Variants in PABPC1L observed in about 807,000 individuals in gnomAD.
PABPC1L encodes poly(A) binding protein cytoplasmic 1 like.
A neutral mutation model predicts 66.6 loss-of-function variants in PABPC1L; 31 were observed. The observed-to-expected ratio is 0.47, with a 90% CI of 0.35 to 0.63. The LOEUF (loss-of-function observed/expected upper bound fraction) is 0.63, where lower values mean the gene tolerates loss of function less well. Among genes scored for constraint, PABPC1L ranks in the 20% least tolerant of loss-of-function variants. PABPC1L has a pLI of 0.00. For missense variants in PABPC1L, 722 were observed against 848.8 expected, an observed-to-expected ratio of 0.85 and a Z score of 1.86; for synonymous variants, 348 against 335.1, an observed-to-expected ratio of 1.04 and a Z score of -0.42.
chr20:44,935,070 G>GGA (rs2066890646), intron 10 of PABPC1L, among the ~76,000 whole-genome samples: 1 of 130,112 alleles, frequency 7.7e-6, no homozygotes, highest in Non-Finnish European at 1.7e-5. Context: ...TCTGTCTCAG[G>GGA]AAAAAAAAAA....
At position 44,919,339 on chromosome 20, in the gene PABPC1L, G is replaced by A. The variant is rs116994724; in HGVS notation, c.738+62G>A. On this transcript the variant is annotated intron_variant, in intron 5 of 14. Transcript: ENST00000217073. ...GGACCGAGCTGGGACTAAGAAGAGGGTCCCAGCTGCCTGTGGAGGGGAAGA... is the reference window on the plus strand; with the variant it reads ...GGACCGAGCTGGGACTAAGAAGAGGATCCCAGCTGCCTGTGGAGGGGAAGA... 14,918 of 1,557,690 alleles carry A rather than the reference G, an allele frequency of 9.6e-3. 82 individuals carry two copies. Among genetic ancestry groups the A allele is most frequent in the Non-Finnish European group, 0.011 (12,955 of 1,138,492 alleles).
intron 13 of PABPC1L, 152 bp from the exon 14 acceptor site, chr20:44,938,522 T>G: frequency 1.1e-6 from 1 of 884,026 alleles, no homozygotes; most frequent in Non-Finnish European, 1.7e-6. Flanking sequence ...CCATGGGATC[T>G]TGCAAGCAGT....
chr20:44,926,687 C>T (rs2066812044), intron 7 of PABPC1L, among the ~76,000 whole-genome samples: 1 of 151,926 alleles, frequency 6.6e-6, no homozygotes, highest in African/African-American at 2.4e-5. Flanking sequence ...GCTGGGATTA[C>T]AGGCGCCCGC....
chr20:44,927,837 A>G (rs1233211548), intron 7 of PABPC1L, among the ~76,000 whole-genome samples: 1 of 151,988 alleles, frequency 6.6e-6, no homozygotes, highest in African/African-American at 2.4e-5. Flanking sequence ...CTATAGGAGC[A>G]CCACTATGCC....
intron 5 of PABPC1L, 43 bp downstream of exon 5, chr20:44,919,320 A>G: frequency 1.9e-6 from 3 of 1,598,820 alleles, no homozygotes; most frequent in African/African-American, 1.3e-5. Context: ...AGGGGGACCG[A>G]GCTGGGACTA....
At chr20:44,932,544 T>C in intron 9 of PABPC1L, 112 bp downstream of exon 9, 1 of 890,730 alleles carries the variant, frequency 1.1e-6, no homozygotes. Context: ...GGTGGGTGAC[T>C]TCACTTCTCT....
chr20:44,926,467 C>T (rs1191671871), intron 7 of PABPC1L, among the ~76,000 whole-genome samples: 5 of 151,628 alleles, frequency 3.3e-5, no homozygotes, highest in Non-Finnish European at 4.4e-5. Flanking sequence ...CCTAGTAATC[C>T]GCCCGCCTCA....
At chr20:44,918,244 C>T (rs572954548) in intron 3 of PABPC1L, among the ~76,000 whole-genome samples, 55 of 152,268 alleles carry the variant, frequency 3.6e-4, no homozygotes, top group Admixed American at 2.6e-4. Flanking sequence ...GCAGGAGAAT[C>T]GCTTGAACCC....
intron 2 of PABPC1L, among the ~76,000 whole-genome samples, chr20:44,916,114 C>T (rs2066736105): frequency 6.6e-6 from 1 of 152,096 alleles, no homozygotes; most frequent in Non-Finnish European, 1.5e-5. Context: ...GATGAATACC[C>T]CGGTTGTTTC....
rs45470200 is a variant in PABPC1L at position 44,932,025 on chromosome 20, C to T, written c.1240-317C>T. On this transcript the variant is annotated intron_variant, in intron 8 of 14. Coordinates refer to ENST00000217073, the MANE Select transcript of PABPC1L (RefSeq NM_001372179.1). ...AGATGTCACCCATTAAAGGCCACCA[C>T]GGTAAGAACATTCCTCTCCTTTTAG... 834 of 200,752 alleles carry T rather than the reference C, an allele frequency of 4.2e-3. 7 individuals carry two copies. Among genetic ancestry groups the T allele is most frequent in the Admixed American group, 7.3e-3 (123 of 16,778 alleles). 12.4% of individuals were successfully genotyped at this position (200,752 alleles called of 1,614,324 possible). A position where few individuals can be genotyped will look rare whatever the true frequency, so the allele number is the denominator to read the frequency against.
chr20:44,934,195 C>G (rs889817743), intron 10 of PABPC1L, among the ~76,000 whole-genome samples: 22 of 152,218 alleles, frequency 1.4e-4, no homozygotes, highest in African/African-American at 5.3e-4. Context: ...CAAATGTTCT[C>G]ACATCCACAG....
chr20:44,935,198 A>G (rs1219533755), intron 10 of PABPC1L, among the ~76,000 whole-genome samples, 193 bp from the exon 11 acceptor site: 1 of 152,012 alleles, frequency 6.6e-6, no homozygotes, highest in African/African-American at 2.4e-5. Context: ...ACTGTTTGAG[A>G]AAGCCCTATA....
At chr20:44,915,038 A>G (rs111623077) in intron 2 of PABPC1L, among the ~76,000 whole-genome samples, 12 of 152,318 alleles carry the variant, frequency 7.9e-5, no homozygotes, top group African/African-American at 2.9e-4. Flanking sequence ...ACGTGGTTAA[A>G]TCCAAGCTGA....
chr20:44,916,958 T>A, intron 3 of PABPC1L, 87 bp downstream of exon 3: 1 of 1,296,826 alleles, frequency 7.7e-7, no homozygotes, highest in Non-Finnish European at 1.1e-6. Context: ...ACCCTCAAGC[T>A]GCTAATGGGC....
At chr20:44,938,650 C>T (rs201683693) in intron 13 of PABPC1L, 24 bp from the exon 14 acceptor site, 58 of 1,588,550 alleles carry the variant, frequency 3.7e-5, no homozygotes, top group South Asian at 5.7e-5. Flanking sequence ...TGCACTAAGC[C>T]CCCCCGCCAC....
intron 7 of PABPC1L, among the ~76,000 whole-genome samples, chr20:44,925,476 T>C (rs938669796): frequency 6.6e-6 from 1 of 152,086 alleles, no homozygotes; most frequent in Non-Finnish European, 1.5e-5. Flanking sequence ...CTGGAAGAAG[T>C]GGCAGTAGCA....
chr20:44,912,600 G>A (rs2145552741), intron 1 of PABPC1L, 60 bp from the exon 2 acceptor site: 2 of 1,436,866 alleles, frequency 1.4e-6, no homozygotes, highest in Admixed American at 3.8e-5. Flanking sequence ...CGAGGGGTGG[G>A]TGATCAAGGT....
intron 8 of PABPC1L, chr20:44,931,755 T>TA (rs1264580259): frequency 1.3e-5 from 2 of 152,110 alleles, no homozygotes; most frequent in Non-Finnish European, 2.9e-5. Flanking sequence ...CTTGACCTCC[T>TA]AAAGTGCTGG....
intron 1 of PABPC1L, among the ~76,000 whole-genome samples, chr20:44,911,327 G>A (rs2066703434): frequency 6.6e-6 from 1 of 152,152 alleles, no homozygotes; most frequent in African/African-American, 2.4e-5. Context: ...AGCTGGGCAT[G>A]ATGGCGGACG....
Sources: gnomAD v4.1 joint callset for allele counts (sites outside exome capture counted in the v4.1 genomes callset) on GRCh38, gnomAD v4.1.1 for gene constraint, MANE v1.5 for transcripts, NCBI Gene and HGNC (gene_info 2026-07-23, HGNC 2026-07-21) for gene names.